The following APBB2 variants were observed in gnomAD, a reference collection of about 807,000 sequenced individuals.
APBB2 encodes the protein amyloid beta precursor protein binding family B member 2.
In APBB2, 38 loss-of-function variants were observed where a neutral mutation model predicts 82.5. The observed-to-expected ratio is 0.46, with a 90% CI of 0.36 to 0.60. The LOEUF (loss-of-function observed/expected upper bound fraction) is 0.60, where lower values mean the gene tolerates loss of function less well. Among genes scored for constraint, APBB2 ranks in the 20% least tolerant of loss-of-function variants. The probability of loss-of-function intolerance (pLI) is 0.00; values close to 1 mark genes in which losing one functional copy is unlikely to be tolerated. For synonymous variants in APBB2, 341 were observed against 368.2 expected (o/e 0.93, Z 0.85); for missense variants, 772 against 972.3 (o/e 0.79, Z 2.74).
chr4:41,063,974 T>TC (rs1730749804), intron 4 of APBB2, among the ~76,000 whole-genome samples: 1 of 145,046 alleles, frequency 6.9e-6, no homozygotes, highest in Non-Finnish European at 1.5e-5. Context: ...TTTTTTTTTT[T>TC]GAGACAGAAT....
chr4:41,061,820 C>G (rs1178539722), intron 4 of APBB2, among the ~76,000 whole-genome samples: 1 of 152,190 alleles, frequency 6.6e-6, no homozygotes, highest in African/African-American at 2.4e-5. Context: ...AATCTCAAAA[C>G]AGAAAGAAAG....
At chr4:41,153,836 T>C (rs1400960756) in intron 1 of APBB2, among the ~76,000 whole-genome samples, 1 of 152,174 alleles carries the variant, frequency 6.6e-6, no homozygotes, top group African/African-American at 2.4e-5. Context: ...TTAATATTAA[T>C]TTGAATTTTA....
intron 1 of APBB2, among the ~76,000 whole-genome samples, chr4:41,147,481 C>CTTTT (rs558746840): frequency 2.5e-4 from 26 of 103,100 alleles, no homozygotes; most frequent in Admixed American, 5.3e-4. Flanking sequence ...GTTTGGCCAG[C>CTTTT]TTTTTTTTTT....
intron 12 of APBB2, among the ~76,000 whole-genome samples, chr4:40,839,671 T>C (rs889049271): frequency 5.5e-5 from 8 of 144,168 alleles, no homozygotes; most frequent in African/African-American, 2.0e-4. Context: ...TTCTTTTTTC[T>C]TTTTTTTTTT....
intron 2 of APBB2, among the ~76,000 whole-genome samples, chr4:41,114,761 A>C (rs1224519095): frequency 6.6e-6 from 1 of 152,222 alleles, no homozygotes; most frequent in African/African-American, 2.4e-5. Flanking sequence ...AATCCAACTT[A>C]CAAGGGATGT....
At chr4:41,043,104 T>G (rs1722139661) in intron 4 of APBB2, among the ~76,000 whole-genome samples, 1 of 152,218 alleles carries the variant, frequency 6.6e-6, no homozygotes, top group Admixed American at 6.5e-5. Flanking sequence ...ATCTTTAGTC[T>G]CTACTGCTAA....
At chr4:40,972,953 T>C (rs554876009) in intron 6 of APBB2, among the ~76,000 whole-genome samples, 1 of 152,370 alleles carries the variant, frequency 6.6e-6, no homozygotes, top group South Asian at 2.1e-4. Context: ...TAAACATTTC[T>C]AGATATTTTA....
At chr4:40,936,896 G>T (rs188400449) in intron 7 of APBB2, among the ~76,000 whole-genome samples, 4 of 152,194 alleles carry the variant, frequency 2.6e-5, no homozygotes, top group Non-Finnish European at 5.9e-5. Flanking sequence ...AATGGGTGCG[G>T]GGTTTTGTAC....
chr4:40,923,077 G>A (rs922583440), intron 10 of APBB2, among the ~76,000 whole-genome samples: 2 of 150,872 alleles, frequency 1.3e-5, no homozygotes, highest in African/African-American at 2.4e-5. Context: ...CCAGGTTCAC[G>A]CCATTCTCCT....
chr4:40,902,873 G>A (rs868374959), intron 10 of APBB2, among the ~76,000 whole-genome samples: 2 of 152,332 alleles, frequency 1.3e-5, no homozygotes, highest in Middle Eastern at 3.4e-3. Flanking sequence ...AGGCACAGTG[G>A]CTCATGCCTG....
At chr4:40,992,965 C>T (rs924278070) in intron 6 of APBB2, among the ~76,000 whole-genome samples, 1 of 152,216 alleles carries the variant, frequency 6.6e-6, no homozygotes, top group African/African-American at 2.4e-5. Context: ...TGTACACAAT[C>T]GTAGTCCCTC....
Position 40,960,446 on chromosome 4 carries a change from G to GTTTTTT in APBB2, c.836-15374_836-15373insAAAAAA, listed in dbSNP as rs371607683. 1.5e-4 allele frequency among the ~76,000 whole-genome samples: 18 copies of GTTTTTT among 120,538 alleles called. 9 individuals are homozygous for GTTTTTT. Among genetic ancestry groups the GTTTTTT allele is most frequent in the Non-Finnish European group, 1.7e-4 (10 of 60,066 alleles). 79.1% of individuals were successfully genotyped at this position (120,538 alleles called of 152,430 possible). On this transcript the variant is annotated intron_variant, in intron 6 of 17. Coordinates refer to ENST00000508593, the MANE Select transcript of APBB2 (RefSeq NM_004307.2). Reference sequence around the variant, plus strand: ...CATCAAAAACAGAAATTTTTTTTCGGGTTTTTTTTTTTTTTTTTTGAGACG... The same window carrying GTTTTTT: ...CATCAAAAACAGAAATTTTTTTTCGGTTTTTTGTTTTTTTTTTTTTTTTTTGAGACG...
chr4:40,916,904 G>A (rs1779986745), intron 10 of APBB2, among the ~76,000 whole-genome samples: 1 of 152,182 alleles, frequency 6.6e-6, no homozygotes, highest in Admixed American at 6.5e-5. Context: ...CTGTGGTGGG[G>A]AAGGTCAGAG....
intron 12 of APBB2, among the ~76,000 whole-genome samples, chr4:40,862,276 C>T (rs2154335532): frequency 6.6e-6 from 1 of 152,286 alleles, no homozygotes; most frequent in South Asian, 2.1e-4. Flanking sequence ...TAATTTGCTC[C>T]TAGAGAACAT....
At chr4:41,008,664 C>T (rs1416706782) in intron 6 of APBB2, among the ~76,000 whole-genome samples, 3 of 152,212 alleles carry the variant, frequency 2.0e-5, no homozygotes, top group Non-Finnish European at 4.4e-5. Flanking sequence ...ATTCATTGAG[C>T]TCTTGCTATA....
At chr4:41,203,129 A>G (rs1777105299) in intron 1 of APBB2, among the ~76,000 whole-genome samples, 1 of 152,138 alleles carries the variant, frequency 6.6e-6, no homozygotes, top group African/African-American at 2.4e-5. Context: ...GAGGAAGAAA[A>G]GATAAAAATT....
At chr4:40,928,925 T>C (rs1466134313) in intron 10 of APBB2, among the ~76,000 whole-genome samples, 3 of 149,708 alleles carry the variant, frequency 2.0e-5, no homozygotes, top group Admixed American at 6.7e-5. Flanking sequence ...AACGAATGAA[T>C]ACATGCATAG....
chr4:40,925,597 C>T (rs1782421049), intron 10 of APBB2, among the ~76,000 whole-genome samples: 1 of 152,224 alleles, frequency 6.6e-6, no homozygotes, highest in Admixed American at 6.5e-5. Flanking sequence ...CAAACCCAAA[C>T]TTCCACACAG....
intron 10 of APBB2, among the ~76,000 whole-genome samples, chr4:40,924,103 G>T (rs947351854): frequency 6.6e-6 from 1 of 152,180 alleles, no homozygotes; most frequent in African/African-American, 2.4e-5. Context: ...TGCAAGCTTG[G>T]GCAGGTTACT....
Sources: gnomAD v4.1 joint callset for allele counts (sites outside exome capture counted in the v4.1 genomes callset) on GRCh38, gnomAD v4.1.1 for gene constraint, MANE v1.5 for transcripts, NCBI Gene and HGNC (gene_info 2026-07-23, HGNC 2026-07-21) for gene names.